TTN: variants seen among roughly 807,000 people sequenced by gnomAD.
TTN encodes connectin.
A neutral mutation model predicts 3,223.0 loss-of-function variants in TTN; 1,525 were observed. The ratio of observed to expected loss-of-function variants is 0.47; its 90% confidence interval spans 0.45 to 0.49. The LOEUF is 0.49. Among genes scored for constraint, TTN ranks in the 20% least tolerant of loss-of-function variants. The pLI, the probability that TTN is intolerant of heterozygous loss-of-function variation, is 0.00. For synonymous variants in TTN, 14,094 were observed against 15,161.0 expected, an observed-to-expected ratio of 0.93 and a Z score of 5.17; for missense variants, 40,786 against 43,424.0, an observed-to-expected ratio of 0.94 and a Z score of 5.40.
chr2:178,705,076 A>G, intron 103 of TTN, 98 bp downstream of exon 103: 1 of 1,570,534 alleles, frequency 6.4e-7, no homozygotes, highest in Non-Finnish European at 8.7e-7. Context: ...ATATTAAATG[A>G]CGTCATATAA....
In TTN at chr2:178,589,414, G is replaced by C; in HGVS notation, c.62311C>G (p.Leu20771Val). ...VVKEDLQKPV[L>V]DLKLSGVLTV... ...AGGACCCCACTTAATTTCAGATCAA[G>C]TACTGGTTTTTGTAAGTCTTCTTTC... The change falls in exon 304 of 363, where the codon CTT (leucine) becomes GTT (valine). Residue 20771 changes from leucine to valine, a missense_variant. Leu to Val is a conservative substitution (Grantham distance 32). Coordinates refer to ENST00000589042, the MANE Select transcript of TTN (RefSeq NM_001267550.2). 4 of 1,613,356 alleles carry C rather than the reference G, an allele frequency of 2.5e-6. No individual in the cohort carries two copies. Among genetic ancestry groups the C allele is most frequent in the Non-Finnish European group, 3.4e-6 (4 of 1,179,606 alleles).
chr2:178,707,808 T>G lies in TTN; in HGVS notation c.28759A>C (p.Lys9587Gln), dbSNP rs1387740369. The part of the protein sequence containing the change: ...CTSSIVIKEP[K>Q]KPPVFDQHLT... ...TGCTGATCAAATACAGGTGGCTTCT[T>G]AGGTTCTGGAATTGAAAAGGTATTT... The change falls in exon 100 of 363, where the codon AAG becomes CAG. Residue 9587 changes from lysine to glutamine, a missense_variant. Lys to Gln is a moderately conservative substitution (Grantham distance 53). Transcript: ENST00000589042. 2 of 1,583,462 alleles carry G rather than the reference T, an allele frequency of 1.3e-6. No homozygotes were observed. Among genetic ancestry groups the G allele is most frequent in the African/African-American group, 2.7e-5 (2 of 73,856 alleles).
rs200052398 is a variant in TTN, at chr2:178,764,658, T to G, written c.9857A>C (p.Lys3286Thr). 4.3e-6 allele frequency: 7 copies of G among 1,614,026 alleles called. No homozygotes were observed. Among genetic ancestry groups the G allele is most frequent in the Admixed American group, 1.7e-5 (1 of 60,010 alleles). Residue 3286 changes from lysine to threonine, a missense_variant, in exon 42 of 363, where the codon AAA becomes ACA. Coordinates refer to ENST00000589042, the MANE Select transcript of TTN (RefSeq NM_001267550.2). ...GTATTCTTGCCCATCATGAAGAAAT[T>G]TGCACTTGAAGCCAGTGGAAAGCAG... is the stretch of plus-strand genomic sequence containing the variant. ...EQLLSTGFKC[K>T]FLHDGQEYTL...
intron 47 of TTN, chr2:178,750,269 T>A (rs79286432): frequency 6.2e-7 from 1 of 1,613,374 alleles, no homozygotes; most frequent in East Asian, 2.2e-5. Flanking sequence ...TGGGACTTTA[T>A]GTGCTTTGAC....
chr2:178,568,381 A>G lies in TTN; in HGVS notation c.77751T>C (p.Tyr25917=). 6.2e-7 allele frequency: 1 copy of G among 1,613,252 alleles called. No homozygotes were observed. The highest frequency in any genetic ancestry group is 8.5e-7 in the Non-Finnish European group (1 of 1,179,532). ...SITLSWNPPL[Y]TGGCQITNYI... ...AGTTGGTGATTTGGCAGCCCCCTGT[A>G]TATAATGGAGGGTTCCAAGATAATG... is the stretch of plus-strand genomic sequence containing the variant. Residue 25917 remains tyrosine, a synonymous_variant, in exon 326 of 363, where the codon TAT becomes TAC. Transcript: ENST00000589042.
chr2:178,685,332 T>C lies in TTN; in HGVS notation c.32393-2A>G. 6.5e-7 allele frequency: 1 copy of C among 1,549,182 alleles called. No homozygotes were observed. The highest frequency in any genetic ancestry group is 8.7e-7 in the Non-Finnish European group (1 of 1,145,930). ...TTTTCTTCTCCTGCCTCTCTGTCACTTGAAAAGATTATAAAATATGTTTGT... is the reference window on the plus strand; with the variant it reads ...TTTTCTTCTCCTGCCTCTCTGTCACCTGAAAAGATTATAAAATATGTTTGT... On this transcript the variant is annotated splice_acceptor_variant, in intron 128 of 362. Coordinates refer to ENST00000589042, the MANE Select transcript of TTN (RefSeq NM_001267550.2). LOFTEE classifies it high-confidence loss of function.
chr2:178,746,654 T>G, intron 47 of TTN: 1 of 1,613,334 alleles, frequency 6.2e-7, no homozygotes, highest in Non-Finnish European at 8.5e-7. Context: ...CTCTCCCCCT[T>G]CTCCTTTTTG....
Position 178,545,525 on chromosome 2 carries a change from A to G in TTN, c.95585T>C (p.Val31862Ala). The G allele has an allele frequency of 6.2e-7, 1 of 1,613,636 alleles. No homozygotes were observed. Among genetic ancestry groups the G allele is most frequent in the Non-Finnish European group, 8.5e-7 (1 of 1,179,660 alleles). Reference sequence around the variant, plus strand: ...CACCTTCAGCCTGGTATCATACACCACATAGTCTTTGTTGACACGTGTCCA... The same window carrying G: ...CACCTTCAGCCTGGTATCATACACCGCATAGTCTTTGTTGACACGTGTCCA... ...LRWTRVNKDY[V>A]VYDTRLKVTS... The change falls in exon 344 of 363, where the codon GTG becomes GCG. Residue 31862 changes from valine (V) to alanine (A), a missense_variant. Coordinates refer to ENST00000589042, the MANE Select transcript of TTN (RefSeq NM_001267550.2).
At chr2:178,685,704 C>T in intron 127 of TTN, 106 bp from the exon 128 acceptor site, 1 of 1,106,590 alleles carries the variant, frequency 9.0e-7, no homozygotes. Context: ...AAAAGTTTAA[C>T]CCTTGCCAAA....
Position 178,683,985 on chromosome 2 carries a change from A to G in TTN, c.32806+14T>C. 1 of 1,429,854 alleles carries G rather than the reference A, an allele frequency of 7.0e-7. No individual in the cohort carries two copies. Among genetic ancestry groups the G allele is most frequent in the East Asian group, 2.6e-5 (1 of 39,094 alleles). The allele number at this position is 1,429,854 out of a possible 1,614,324, so 88.6% of individuals were successfully genotyped here. On this transcript the variant is annotated intron_variant, in intron 133 of 362. Coordinates refer to ENST00000589042, the MANE Select transcript of TTN (RefSeq NM_001267550.2). ...TTATTTTGATTTTTTTTTTTTTTTT[A>G]AGAGTCAGTATACCTTTAGCTGGTG...
At chr2:178,527,770 C>T in intron 361 of TTN, 22 bp from the exon 362 acceptor site, 1 of 1,541,922 alleles carries the variant, frequency 6.5e-7, no homozygotes, top group Non-Finnish European at 8.7e-7. Flanking sequence ...AGCAGATACA[C>T]AGTGAACATC....
chr2:178,527,982 G>A, intron 361 of TTN: 1 of 536,662 alleles, frequency 1.9e-6, no homozygotes, highest in Non-Finnish European at 3.2e-6. Context: ...CAGGTGCTAG[G>A]AATCACTAGG....
At chr2:178,624,886 A>G (rs1050080428) in intron 241 of TTN, among the ~76,000 whole-genome samples, 155 bp from the exon 242 acceptor site, 1 of 151,990 alleles carries the variant, frequency 6.6e-6, no homozygotes, top group African/African-American at 2.4e-5. Flanking sequence ...TCTAAAAATG[A>G]TATTTTATCA....
chr2:178,610,711 TGTG>T (rs1441406444), intron 270 of TTN, among the ~76,000 whole-genome samples: 3 of 152,108 alleles, frequency 2.0e-5, no homozygotes, highest in Admixed American at 6.5e-5. Flanking sequence ...ATTAAAAAAT[TGTG>T]GTCATTTCAA....
Position 178,566,432 on chromosome 2 carries a change from T to C in TTN, c.79700A>G (p.Asn26567Ser), listed in dbSNP as rs183844833. Residue 26567 changes from asparagine to serine, a missense_variant, in exon 326 of 363, where the codon AAC becomes AGC. Physicochemically the swap from Asn to Ser is conservative, Grantham distance 46. Coordinates refer to ENST00000589042, the MANE Select transcript of TTN (RefSeq NM_001267550.2). ...TGTAGCCTCACCTAAACCAACTTTG[T>C]TGAGGGCACAGACTCGTATTTTATA... The part of the protein sequence containing the change: ...QEYKIRVCAL[N>S]KVGLGEATSV... 549 of 1,613,482 alleles carry C rather than the reference T, an allele frequency of 3.4e-4. 7 individuals carry two copies. In the East Asian group the frequency reaches 9.0e-3, roughly 27 times the overall value.
Position 178,583,066 on chromosome 2 carries a change from C to A in TTN, c.65737G>T (p.Ala21913Ser). The A allele has an allele frequency of 1.2e-6, 2 of 1,611,248 alleles. No individual in the cohort carries two copies. Among genetic ancestry groups the A allele is most frequent in the Middle Eastern group, 1.7e-4 (1 of 6,050 alleles). The change falls in exon 313 of 363, where the codon GCC (alanine) becomes TCC (serine). Residue 21913 changes from alanine (A) to serine (S), a missense_variant. Transcript: ENST00000589042. ...AAGGTGCACAGATTCCGCTGCATGGCCATCTTTATGCCTTCTGCTGGTTTT... is the reference window on the plus strand; with the variant it reads ...AAGGTGCACAGATTCCGCTGCATGGACATCTTTATGCCTTCTGCTGGTTTT... ...LLKPAEGIKM[A>S]MQRNLCTLEL...
Position 178,782,546 on chromosome 2 carries a change from C to T in TTN, c.3157G>A (p.Glu1053Lys), listed in dbSNP as rs775979333. Reference protein sequence around the residue: ...TAVTEKFTTEEKRFVESRDVV... With the variant: ...TAVTEKFTTEKKRFVESRDVV... ...ATTAGCAAAATATTTTACCGTTTCT[C>T]TTCTGTAGTAAATTTCTCAGTCACG... is the stretch of plus-strand genomic sequence containing the variant. Residue 1053 changes from glutamate to lysine, a missense_variant, in exon 19 of 363, where the codon GAG becomes AAG. By Grantham distance (56) the Glu-to-Lys change is moderately conservative. Coordinates refer to ENST00000589042, the MANE Select transcript of TTN (RefSeq NM_001267550.2). The T allele has an allele frequency of 3.2e-5, 52 of 1,613,884 alleles. No individual in the cohort carries two copies. The highest frequency in any genetic ancestry group is 4.2e-5 in the Non-Finnish European group (50 of 1,179,952).
Position 178,581,622 on chromosome 2 carries a change from G to A in TTN, c.66646C>T (p.Arg22216Cys), listed in dbSNP as rs1365775589. 13 of 1,612,722 alleles carry A rather than the reference G, an allele frequency of 8.1e-6. No individual in the cohort carries two copies. The highest frequency in any genetic ancestry group is 6.6e-5 in the South Asian group (6 of 91,030). ...CNLPQNLQKT[R>C]FEVTGLMEDT... ...TCCATCAGGCCAGTAACCTCAAAGCGGGTTTTCTGTAGATTCTGTGGTAAG... is the reference window on the plus strand; with the variant it reads ...TCCATCAGGCCAGTAACCTCAAAGCAGGTTTTCTGTAGATTCTGTGGTAAG... The change falls in exon 316 of 363, where the codon CGC (arginine) becomes TGC (cysteine). Residue 22216 changes from arginine (R) to cysteine (C), a missense_variant. Arg to Cys is a radical substitution (Grantham distance 180, BLOSUM62 -3). Coordinates refer to ENST00000589042, the MANE Select transcript of TTN (RefSeq NM_001267550.2).
In TTN at chr2:178,542,819, A is replaced by G; in HGVS notation, c.97035T>C (p.Ser32345=). Residue 32345 remains serine (S), a synonymous_variant, in exon 348 of 363, where the codon TCT becomes TCC. Transcript: ENST00000589042. ...TGACACGCTCTGATTCTCTCAGTTT[A>G]GAACCAGCAAAGAACCAGGAAGCAG... ...PPAASWFFAG[S]KLRESERVTV... 1 of 1,613,828 alleles carries G rather than the reference A, an allele frequency of 6.2e-7. No individual in the cohort carries two copies. Among genetic ancestry groups the G allele is most frequent in the Non-Finnish European group, 8.5e-7 (1 of 1,179,782 alleles).
Sources: allele counts gnomAD v4.1 joint callset (sites outside exome capture counted in the v4.1 genomes callset), GRCh38; gene constraint gnomAD v4.1.1; transcripts MANE v1.5; gene names NCBI Gene and HGNC (gene_info 2026-07-23, HGNC 2026-07-21).